The following OR2L13 variants were observed in gnomAD, a reference collection of about 807,000 sequenced individuals.
The protein encoded by OR2L13 is olfactory receptor family 2 subfamily L member 13.
In OR2L13, 14 loss-of-function variants were observed where a neutral mutation model predicts 15.3. The ratio of observed to expected loss-of-function variants is 0.91; its 90% CI spans 0.60 to 1.43. The LOEUF (loss-of-function observed/expected upper bound fraction) is 1.43, where lower values mean the gene tolerates loss of function less well. Among genes scored for constraint, OR2L13 ranks in the 40% most tolerant of loss-of-function variants. The pLI, the probability that OR2L13 is intolerant of heterozygous loss-of-function variation, is 0.00. For missense variants in OR2L13, 367 were observed against 387.9 expected, an observed-to-expected ratio of 0.95 and a Z score of 0.45; for synonymous variants, 152 against 142.9, an observed-to-expected ratio of 1.06 and a Z score of -0.45.
the OR2L13 span, chr1:248,040,214 A>G: frequency 6.6e-6 from 1 of 152,256 alleles, no homozygotes; most frequent in Non-Finnish European, 1.5e-5. Context: ...GCATGTGCTT[A>G]AAAGGATCAA....
the OR2L13 span, among the ~76,000 whole-genome samples, chr1:247,985,130 C>G: frequency 6.6e-6 from 1 of 151,916 alleles, no homozygotes; most frequent in South Asian, 2.1e-4. Context: ...ACTTTAAGTT[C>G]TAGGGTACAT....
the OR2L13 span, chr1:248,022,874 G>C: frequency 1.2e-6 from 2 of 1,606,216 alleles, no homozygotes; most frequent in Non-Finnish European, 1.7e-6. Context: ...ATATCTTCTC[G>C]GTGAAAATGT....
At chr1:247,950,718 A>G in the OR2L13 span, among the ~76,000 whole-genome samples, 1 of 152,120 alleles carries the variant, frequency 6.6e-6, no homozygotes, top group South Asian at 2.1e-4. Flanking sequence ...AGCTAATAGA[A>G]ATAGATAATA....
chr1:248,055,327 G>T, the OR2L13 span, among the ~76,000 whole-genome samples: 1 of 152,138 alleles, frequency 6.6e-6, no homozygotes, highest in African/African-American at 2.4e-5. Context: ...ATGTGCTGCT[G>T]GATTCAATTT....
chr1:248,046,725 C>G, the OR2L13 span: 5 of 152,060 alleles, frequency 3.3e-5, no homozygotes, highest in African/African-American at 1.2e-4. Flanking sequence ...TGATTGCTAC[C>G]GAATCCCCAT....
the OR2L13 span, chr1:248,046,014 G>A: frequency 6.6e-6 from 1 of 152,064 alleles, no homozygotes; most frequent in Admixed American, 6.5e-5. Flanking sequence ...AAATTAAAAT[G>A]AACCAATATC....
the OR2L13 span, among the ~76,000 whole-genome samples, chr1:248,088,523 G>A: frequency 3.3e-5 from 5 of 152,126 alleles, no homozygotes; most frequent in African/African-American, 1.2e-4. Flanking sequence ...AACGTTCTGG[G>A]AGAGTGTCTG....
At chr1:247,986,314 T>G in the OR2L13 span, among the ~76,000 whole-genome samples, 1 of 152,216 alleles carries the variant, frequency 6.6e-6, no homozygotes, top group Admixed American at 6.5e-5. Context: ...GGATCCAGCT[T>G]CAGCTTTCTA....
chr1:248,090,109 T>TG, the OR2L13 span, among the ~76,000 whole-genome samples: 1 of 152,152 alleles, frequency 6.6e-6, no homozygotes, highest in African/African-American at 2.4e-5. Flanking sequence ...TCTCCTTGCT[T>TG]GCCCCCCTGT....
the OR2L13 span, among the ~76,000 whole-genome samples, chr1:247,977,373 T>C: frequency 6.6e-6 from 1 of 152,210 alleles, no homozygotes; most frequent in Non-Finnish European, 1.5e-5. Flanking sequence ...AATCTCTTGA[T>C]TCATTAATGA....
At chr1:248,050,811 A>T in the OR2L13 span, among the ~76,000 whole-genome samples, 1 of 152,224 alleles carries the variant, frequency 6.6e-6, no homozygotes, top group Non-Finnish European at 1.5e-5. Context: ...TGCCAATCTC[A>T]TCTTGATTCC....
At chr1:247,975,889 G>A in the OR2L13 span, among the ~76,000 whole-genome samples, 1 of 151,948 alleles carries the variant, frequency 6.6e-6, no homozygotes, top group Non-Finnish European at 1.5e-5. Context: ...CCACTAAATT[G>A]TGGGCAGTAG....
At chr1:247,968,418 A>C in the OR2L13 span, among the ~76,000 whole-genome samples, 1 of 152,220 alleles carries the variant, frequency 6.6e-6, no homozygotes, top group African/African-American at 2.4e-5. Flanking sequence ...ATAGGTATAC[A>C]TATGCCATGT....
upstream of OR2L13, among the ~76,000 whole-genome samples, chr1:248,090,628 G>A (rs1200421844): frequency 1.3e-5 from 2 of 152,146 alleles, no homozygotes; most frequent in Non-Finnish European, 2.9e-5. Flanking sequence ...CAGTCTTTTT[G>A]TGGCTGCATA....
the OR2L13 span, among the ~76,000 whole-genome samples, chr1:247,977,716 A>G: frequency 1.3e-5 from 2 of 152,248 alleles, no homozygotes; most frequent in South Asian, 4.1e-4. Flanking sequence ...AACTACCGTT[A>G]ATTGTTTCTT....
the OR2L13 span, chr1:247,939,184 T>G: frequency 6.6e-6 from 1 of 152,182 alleles, no homozygotes; most frequent in Admixed American, 6.5e-5. Flanking sequence ...GTAAACAAAT[T>G]GAAACTTATT....
chr1:248,083,708 C>T, the OR2L13 span: 4 of 1,612,408 alleles, frequency 2.5e-6, no homozygotes, highest in Non-Finnish European at 2.5e-6. Flanking sequence ...TCAGGGCTTC[C>T]TTGACCTCAC....
At chr1:247,940,760 G>A in the OR2L13 span, among the ~76,000 whole-genome samples, 6 of 150,976 alleles carry the variant, frequency 4.0e-5, no homozygotes, top group Admixed American at 6.6e-5. Flanking sequence ...GTGTGTGCGC[G>A]CGCTAAGCAA....
chr1:248,039,056 C>T, the OR2L13 span: 1 of 1,614,042 alleles, frequency 6.2e-7, no homozygotes, highest in East Asian at 2.2e-5. Context: ...GTCCAAGATC[C>T]CTGCGATCTC....
Sources: gnomAD v4.1 joint callset for allele counts (sites outside exome capture counted in the v4.1 genomes callset) on GRCh38, gnomAD v4.1.1 for gene constraint, MANE v1.5 for transcripts, NCBI Gene and HGNC (gene_info 2026-07-23, HGNC 2026-07-21) for gene names.